The following UBAC2 variants were observed in gnomAD, a reference collection of about 807,000 sequenced individuals.
UBAC2 encodes UBA domain containing 2.
In UBAC2, 26 loss-of-function variants were observed where a neutral mutation model predicts 44.0. The observed-to-expected ratio is 0.59, with a 90% CI of 0.43 to 0.82. The LOEUF (loss-of-function observed/expected upper bound fraction) is 0.82. Ranked by LOEUF, UBAC2 falls within the 40% of genes least tolerant of loss-of-function variation. The pLI, the probability that UBAC2 is intolerant of heterozygous loss-of-function variation, is 0.00. For missense variants in UBAC2, 329 were observed against 419.4 expected, an observed-to-expected ratio of 0.78 and a Z score of 1.88; for synonymous variants, 155 against 154.3, an observed-to-expected ratio of 1.00 and a Z score of -0.04.
rs78970264 is a variant in UBAC2 at position 99,283,098 on chromosome 13, A to G, written c.390-30999A>G. On this transcript the variant is annotated intron_variant, in intron 4 of 8. Coordinates refer to ENST00000403766, the MANE Select transcript of UBAC2 (RefSeq NM_001144072.2). ...CAGAGAATATTTAGGAAGGCAAATA[A>G]TCAGTCATGGGTACACCAGAGCTAG... Among the ~76,000 whole-genome samples the G allele has an allele frequency of 3.1e-3, 470 of 152,322 alleles. 2 individuals carry two copies. Among genetic ancestry groups the G allele is most frequent in the Admixed American group, 5.7e-3 (87 of 15,306 alleles).
intron 6 of UBAC2, among the ~76,000 whole-genome samples, chr13:99,329,201 G>A (rs1173408790): frequency 6.6e-6 from 1 of 152,202 alleles, no homozygotes; most frequent in African/African-American, 2.4e-5. Flanking sequence ...CAGCTTTATG[G>A]TAAGTCTTGC....
At chr13:99,338,703 C>T (rs568031569) in intron 6 of UBAC2, among the ~76,000 whole-genome samples, 1 of 152,332 alleles carries the variant, frequency 6.6e-6, no homozygotes, top group Admixed American at 6.5e-5. Context: ...ACCATTCACT[C>T]TTCAGCCTAC....
intron 1 of UBAC2, 82 bp downstream of exon 1, chr13:99,201,021 C>G: frequency 7.7e-7 from 1 of 1,295,326 alleles, no homozygotes; most frequent in Non-Finnish European, 9.9e-7. Context: ...GCAGCGGGGA[C>G]CCTCGGGTTT....
At chr13:99,217,128 G>T (rs563308856) in intron 1 of UBAC2, among the ~76,000 whole-genome samples, 1 of 152,270 alleles carries the variant, frequency 6.6e-6, no homozygotes, top group Admixed American at 6.5e-5. Flanking sequence ...ACGGCGCCTG[G>T]CCTCTTTCCT....
At chr13:99,206,408 C>G (rs2042872788) in intron 1 of UBAC2, among the ~76,000 whole-genome samples, 1 of 152,216 alleles carries the variant, frequency 6.6e-6, no homozygotes, top group South Asian at 2.1e-4. Flanking sequence ...GTCTCTTCCC[C>G]TAGTCCAGCG....
chr13:99,205,831 G>T, intron 1 of UBAC2: 1 of 163,658 alleles, frequency 6.1e-6, no homozygotes. Flanking sequence ...CGTCCCTCCC[G>T]AAGCTGCGTG....
chr13:99,233,264 C>T lies in UBAC2; in HGVS notation c.32-5163C>T, dbSNP rs543227652. On this transcript the variant is annotated intron_variant, in intron 1 of 8. Transcript: ENST00000403766. The stretch of plus-strand genomic sequence containing the variant: ...AGTAGCTGGGACTGCAGGCACGCAC[C>T]ACCATGCCCAGCTAATTTTTGTATT... 3.3e-5 allele frequency among the ~76,000 whole-genome samples: 5 copies of T among 152,142 alleles called. No homozygotes were observed. In the South Asian group the frequency reaches 1.0e-3, roughly 32 times the overall value.
At chr13:99,208,620 T>C (rs1301449634) in intron 1 of UBAC2, among the ~76,000 whole-genome samples, 1 of 152,252 alleles carries the variant, frequency 6.6e-6, no homozygotes, top group Non-Finnish European at 1.5e-5. Context: ...AGACTTGTAG[T>C]TGGCAACCAT....
intron 4 of UBAC2, among the ~76,000 whole-genome samples, chr13:99,250,751 T>G (rs1039814905): frequency 3.4e-5 from 5 of 146,102 alleles, no homozygotes; most frequent in African/African-American, 1.3e-4. Context: ...TTTTTTTCTT[T>G]TTTCTTTTTT....
In UBAC2 at chr13:99,295,787, T is replaced by A; in HGVS notation, c.390-18310T>A. 6.2e-7 allele frequency: 1 copy of A among 1,613,702 alleles called. No homozygotes were observed. Among genetic ancestry groups the A allele is most frequent in the South Asian group, 1.1e-5 (1 of 91,064 alleles). On this transcript the variant is annotated intron_variant, in intron 4 of 8. Transcript: ENST00000403766. This position sits in a 1 kb window ranked among gnomAD's most constrained non-coding sequence, Gnocchi z 4.1. ...GTCAATACTCAGGCAGGTCATAAAG[T>A]TCACACCTGCATATGTGTTGATGTA...
Position 99,292,205 on chromosome 13 carries a change from T to G in UBAC2, c.390-21892T>G, listed in dbSNP as rs373715311. ...GACTGGAGTGCAGTGGTGCAATCTC[T>G]GCTCACTGCAAGCTCCGTCTCCCAG... On this transcript the variant is annotated intron_variant, in intron 4 of 8. Coordinates refer to ENST00000403766, the MANE Select transcript of UBAC2 (RefSeq NM_001144072.2). Among the ~76,000 whole-genome samples the G allele has an allele frequency of 1.2e-3, 189 of 151,836 alleles. 4 individuals are homozygous for G. The South Asian group carries it at 0.026, about 21-fold the overall frequency.
chr13:99,267,021 C>T (rs927851345), intron 4 of UBAC2, among the ~76,000 whole-genome samples: 18 of 152,148 alleles, frequency 1.2e-4, no homozygotes, highest in Admixed American at 1.3e-4. Flanking sequence ...CTCTCTCACA[C>T]TCGCCCTTCC....
intron 1 of UBAC2, among the ~76,000 whole-genome samples, chr13:99,205,235 C>T (rs1313516752): frequency 6.6e-6 from 1 of 152,038 alleles, no homozygotes; most frequent in Non-Finnish European, 1.5e-5. Flanking sequence ...GGAGGCTTAG[C>T]TTGTTTAAAA....
chr13:99,349,575 G>A (rs893220331), intron 7 of UBAC2, among the ~76,000 whole-genome samples: 11 of 152,178 alleles, frequency 7.2e-5, no homozygotes, highest in Non-Finnish European at 1.2e-4. Context: ...GATTGACAAG[G>A]TGAAGCAAGT....
At chr13:99,267,526 C>T (rs2043759169) in intron 4 of UBAC2, among the ~76,000 whole-genome samples, 2 of 152,188 alleles carry the variant, frequency 1.3e-5, no homozygotes, top group Non-Finnish European at 2.9e-5. Context: ...TATTTTCCTG[C>T]AGTCCTCAGC....
intron 2 of UBAC2, among the ~76,000 whole-genome samples, chr13:99,242,193 C>T (rs900634651): frequency 2.0e-5 from 3 of 152,160 alleles, no homozygotes; most frequent in African/African-American, 4.8e-5. Context: ...CACCTTTCCC[C>T]CCCTTCTATT....
At chr13:99,294,797 G>T in intron 4 of UBAC2, 1 of 295,018 alleles carries the variant, frequency 3.4e-6, no homozygotes, top group Non-Finnish European at 6.2e-6. Context: ...TTTTTACATT[G>T]GGAGTTATTA....
chr13:99,201,528 G>A (rs771816007), intron 1 of UBAC2: 17 of 1,614,092 alleles, frequency 1.1e-5, no homozygotes, highest in Non-Finnish European at 1.4e-5. Context: ...TGTGCTGCTG[G>A]ATGTTGCTGT....
rs536637007 is a variant in UBAC2 at position 99,264,440 on chromosome 13, C to T, written c.389+19816C>T. On this transcript the variant is annotated intron_variant, in intron 4 of 8. Coordinates refer to ENST00000403766, the MANE Select transcript of UBAC2 (RefSeq NM_001144072.2). ...TTCCTATTTAAAAACTGCCTTATAG[C>T]TTGTGTAAAGTGCATGCTGTAGACA... Among the ~76,000 whole-genome samples the T allele has an allele frequency of 2.4e-3, 363 of 152,344 alleles. 4 individuals are homozygous for T. Among genetic ancestry groups the T allele is most frequent in the South Asian group, 0.011 (52 of 4,830 alleles).
Sources: allele counts gnomAD v4.1 joint callset (sites outside exome capture counted in the v4.1 genomes callset), GRCh38; gene constraint gnomAD v4.1.1; non-coding constraint Gnocchi (gnomAD v3.1); transcripts MANE v1.5; gene names NCBI Gene and HGNC (gene_info 2026-07-23, HGNC 2026-07-21).